The following KIF13A variants were observed in gnomAD, a reference collection of about 807,000 sequenced individuals.
The protein encoded by KIF13A is kinesin-like protein KIF13A.
Under a neutral mutation model 212.2 loss-of-function variants are expected in KIF13A, and 79 were observed. That is an observed-to-expected ratio of 0.37 (90% CI 0.31 to 0.45). The LOEUF (loss-of-function observed/expected upper bound fraction) is 0.45. Ranked by LOEUF, KIF13A falls within the 20% of genes least tolerant of loss-of-function variation. KIF13A has a pLI of 1.00. For missense variants in KIF13A, 1,901 were observed against 2,209.0 expected, an observed-to-expected ratio of 0.86 and a Z score of 2.79; for synonymous variants, 789 against 808.6, an observed-to-expected ratio of 0.98 and a Z score of 0.41.
chr6:17,952,172 C>T (rs1777912337), intron 2 of KIF13A, among the ~76,000 whole-genome samples: 1 of 151,844 alleles, frequency 6.6e-6, no homozygotes, highest in Non-Finnish European at 1.5e-5. Context: ...GGTATGGTGG[C>T]AGGCTTCTGT....
chr6:17,953,353 T>C (rs1778044832), intron 2 of KIF13A, among the ~76,000 whole-genome samples: 1 of 152,192 alleles, frequency 6.6e-6, no homozygotes, highest in Admixed American at 6.5e-5. Flanking sequence ...TTAGGAATGA[T>C]TACTCTTAGA....
intron 2 of KIF13A, among the ~76,000 whole-genome samples, chr6:17,923,239 AC>A (rs1775232052): frequency 6.6e-6 from 1 of 151,858 alleles, no homozygotes; most frequent in Admixed American, 6.6e-5. Flanking sequence ...GTGCCACTGT[AC>A]CCCAGCCTAG....
At chr6:17,792,675 C>G (rs1418392224) in intron 25 of KIF13A, among the ~76,000 whole-genome samples, 1 of 152,164 alleles carries the variant, frequency 6.6e-6, no homozygotes, top group Non-Finnish European at 1.5e-5. Flanking sequence ...CCTGTCCTTG[C>G]ACCTACACTC....
intron 4 of KIF13A, among the ~76,000 whole-genome samples, chr6:17,863,611 C>A (rs1452386186): frequency 2.6e-5 from 4 of 152,028 alleles, no homozygotes; most frequent in Admixed American, 2.0e-4. Flanking sequence ...AAATTGTCAA[C>A]CAAAGCCTAA....
At position 17,805,576 on chromosome 6, in the gene KIF13A, T is replaced by C; in HGVS notation, c.2203A>G (p.Arg735Gly). Residue 735 changes from arginine (R) to glycine (G), a missense_variant, in exon 19 of 39, where the codon AGG becomes GGG. Physicochemically the swap from Arg to Gly is moderately radical, Grantham distance 125. Around this residue, in one of 5 missense-constraint regions of KIF13A, gnomAD observed 534 missense variants for 536.9 expected, o/e 0.99. Coordinates refer to ENST00000259711, the MANE Select transcript of KIF13A (RefSeq NM_022113.6). ...IVSEPAIQVR[R>G]KGKSTQVWTI... ...CACACTTGGGTGCTCTTTCCTTTCC[T>C]CCTCACTTGGATAGCTGGTTCACTC... 6.2e-7 allele frequency: 1 copy of C among 1,612,604 alleles called. No homozygotes were observed. The highest frequency in any genetic ancestry group is 8.5e-7 in the Non-Finnish European group (1 of 1,179,078).
chr6:17,773,789 A>C lies in KIF13A; in HGVS notation c.4219-206T>G, dbSNP rs1759701506. 6.6e-6 allele frequency among the ~76,000 whole-genome samples: 1 copy of C among 152,208 alleles called. No individual in the cohort carries two copies. Among genetic ancestry groups the C allele is most frequent in the Non-Finnish European group, 1.5e-5 (1 of 68,046 alleles). ...GGTATACCCGGAGTGAATACATGTTAATATTTTATTATATTTGCTCAAGTT... is the reference window on the plus strand; with the variant it reads ...GGTATACCCGGAGTGAATACATGTTCATATTTTATTATATTTGCTCAAGTT... On this transcript the variant is annotated intron_variant, in intron 35 of 38. Transcript: ENST00000259711. The surrounding 1 kb of genome is among the most constrained non-coding windows in gnomAD (Gnocchi z 4.2).
rs1759543446 is a variant in KIF13A, at chr6:17,772,073, G to T, written c.4325-14C>A. On this transcript the variant is annotated splice_polypyrimidine_tract_variant and intron_variant, in intron 36 of 38. Coordinates refer to ENST00000259711, the MANE Select transcript of KIF13A (RefSeq NM_022113.6). The surrounding 1 kb of genome is among the most constrained non-coding windows in gnomAD (Gnocchi z 4.8). ...CTGATGTACAACCTAGGGAAGATGAGAAGTTATGAGGTTACAGATGCTGAA... is the reference window on the plus strand; with the variant it reads ...CTGATGTACAACCTAGGGAAGATGATAAGTTATGAGGTTACAGATGCTGAA... 10 of 1,613,338 alleles carry T rather than the reference G, an allele frequency of 6.2e-6. No homozygotes were observed. The highest frequency in any genetic ancestry group is 8.5e-6 in the Non-Finnish European group (10 of 1,179,420).
chr6:17,956,733 CA>C (rs1269303752), intron 2 of KIF13A, among the ~76,000 whole-genome samples: 2 of 150,378 alleles, frequency 1.3e-5, no homozygotes, highest in South Asian at 2.1e-4. Context: ...GGCTGTGGGT[CA>C]AAAAAAAATC....
chr6:17,844,096 T>C (rs760465955), intron 9 of KIF13A, among the ~76,000 whole-genome samples: 2 of 150,796 alleles, frequency 1.3e-5, no homozygotes, highest in African/African-American at 2.4e-5. Context: ...AGTTGAAAGA[T>C]TGATGAAATA....
intron 2 of KIF13A, among the ~76,000 whole-genome samples, chr6:17,942,659 C>A (rs1212991455): frequency 6.6e-6 from 1 of 152,130 alleles, no homozygotes. Context: ...TATAAACAGG[C>A]TTGGCTAGCT....
At position 17,784,586 on chromosome 6, in the gene KIF13A, G is replaced by C. The variant is rs796345844; in HGVS notation, c.3489-885C>G. Among the ~76,000 whole-genome samples the C allele has an allele frequency of 2.6e-4, 40 of 152,246 alleles. 1 individual carries two copies. Among genetic ancestry groups the C allele is most frequent in the African/African-American group, 9.6e-4 (40 of 41,550 alleles). On this transcript the variant is annotated intron_variant, in intron 28 of 38. Coordinates refer to ENST00000259711, the MANE Select transcript of KIF13A (RefSeq NM_022113.6). ...TTTCTCTTCTGAATCAACATAACTA[G>C]GGATGACACCCAGGCCTACATGTTA...
intron 2 of KIF13A, among the ~76,000 whole-genome samples, chr6:17,960,439 C>T (rs1262108754): frequency 6.6e-6 from 1 of 152,208 alleles, no homozygotes; most frequent in Non-Finnish European, 1.5e-5. Flanking sequence ...TAAGCAAACT[C>T]TCCCCACAAA....
At chr6:17,845,055 G>A (rs781306181) in intron 9 of KIF13A, among the ~76,000 whole-genome samples, 3 of 152,140 alleles carry the variant, frequency 2.0e-5, no homozygotes, top group East Asian at 1.9e-4. Flanking sequence ...ACAGTTCCAC[G>A]TGGCTGGGGA....
intron 2 of KIF13A, among the ~76,000 whole-genome samples, chr6:17,977,027 G>A (rs577849642): frequency 7.3e-4 from 111 of 151,294 alleles, no homozygotes; most frequent in African/African-American, 2.4e-3. Flanking sequence ...GCGTGAACCC[G>A]GGAAGCAGAG....
chr6:17,844,509 C>T (rs9477539), intron 9 of KIF13A, among the ~76,000 whole-genome samples: 5,289 of 152,256 alleles, frequency 0.035, 327 homozygotes, highest in African/African-American at 0.12. Context: ...AGGACGTCTC[C>T]GAGCTTTTAG....
chr6:17,831,265 ACT>A, intron 12 of KIF13A, 30 bp from the exon 13 acceptor site: 2 of 1,596,124 alleles, frequency 1.3e-6, no homozygotes, highest in Admixed American at 1.8e-5. Context: ...AAAGAAGGAA[ACT>A]CTGTTTGTTG....
At chr6:17,781,938 C>CT (rs1414027617) in intron 29 of KIF13A, among the ~76,000 whole-genome samples, 2 of 151,722 alleles carry the variant, frequency 1.3e-5, no homozygotes, top group Non-Finnish European at 2.9e-5. Context: ...AGCTTTTATT[C>CT]TTTTTTTGTT....
chr6:17,804,340 C>T (rs1257137921), intron 20 of KIF13A, 21 bp downstream of exon 20: 3 of 1,487,156 alleles, frequency 2.0e-6, no homozygotes, highest in South Asian at 2.7e-5. Flanking sequence ...CCATCGTTCT[C>T]CAAGGCTGGC....
intron 2 of KIF13A, among the ~76,000 whole-genome samples, chr6:17,920,855 T>C (rs1010472318): frequency 7.2e-6 from 1 of 138,456 alleles, no homozygotes; most frequent in Non-Finnish European, 1.5e-5. Flanking sequence ...GCCTGGGTGA[T>C]AGGGCAGGAC....
Sources: gnomAD v4.1 joint callset for allele counts (sites outside exome capture counted in the v4.1 genomes callset) on GRCh38, gnomAD v4.1.1 for gene constraint, gnomAD v4.1.1 regional missense constraint, Gnocchi (gnomAD v3.1) non-coding constraint, MANE v1.5 for transcripts, NCBI Gene and HGNC (gene_info 2026-07-23, HGNC 2026-07-21) for gene names.